The following ODF2L variants were observed in gnomAD, a reference collection of about 807,000 sequenced individuals.
The protein encoded by ODF2L is protein BCAP.
ODF2L carries 76 observed loss-of-function variants against 86.3 expected under a neutral mutation model. The ratio of observed to expected loss-of-function variants is 0.88; its 90% CI spans 0.73 to 1.07. ODF2L has a LOEUF of 1.07. ODF2L is among the 50% of genes least tolerant of loss of function. The probability of loss-of-function intolerance (pLI) is 0.00; values close to 1 mark genes in which losing one functional copy is unlikely to be tolerated. For synonymous variants in ODF2L, 241 were observed against 231.3 expected, an observed-to-expected ratio of 1.04 and a Z score of -0.38; for missense variants, 748 against 717.4, an observed-to-expected ratio of 1.04 and a Z score of -0.49.
At chr1:86,383,093 G>T in intron 5 of ODF2L, 41 bp downstream of exon 5, 1 of 1,368,034 alleles carries the variant, frequency 7.3e-7, no homozygotes, top group South Asian at 1.2e-5. Context: ...AAATAACAAT[G>T]ACAGGAAGAA....
rs757337049 is a variant in ODF2L, at chr1:86,385,555, A to G, written c.149T>C (p.Leu50Ser). Residue 50 changes from leucine to serine, a missense_variant, in exon 3 of 18, where the codon TTG becomes TCG. Transcript: ENST00000317336. ...CTCCGCTTCCTTAAGTGTTGCTTCCAATTCAGTCTTTTCATTTAGAATGTC... is the reference window on the plus strand; with the variant it reads ...CTCCGCTTCCTTAAGTGTTGCTTCCGATTCAGTCTTTTCATTTAGAATGTC... 2.5e-6 allele frequency: 4 copies of G among 1,611,514 alleles called. No individual in the cohort carries two copies. The African/African-American group carries it at 5.3e-5, about 22-fold the overall frequency.
At chr1:86,377,381 A>G (rs1366984456) in intron 7 of ODF2L, among the ~76,000 whole-genome samples, 1 of 152,170 alleles carries the variant, frequency 6.6e-6, no homozygotes, top group Non-Finnish European at 1.5e-5. Context: ...CACATGGTGC[A>G]AGCTGTCAAT....
At chr1:86,390,437 A>T (rs1661242280) in intron 1 of ODF2L, among the ~76,000 whole-genome samples, 2 of 152,144 alleles carry the variant, frequency 1.3e-5, no homozygotes, top group Admixed American at 1.3e-4. Context: ...AAAAATTCTT[A>T]ACAAAATACT....
downstream of ODF2L, chr1:86,347,008 A>G (rs1171122203): frequency 6.6e-6 from 1 of 152,146 alleles, no homozygotes; most frequent in African/African-American, 2.4e-5. Context: ...AAATGAGTTA[A>G]TATATTATCA....
chr1:86,348,905 A>T, downstream of ODF2L: 1 of 1,542,980 alleles, frequency 6.5e-7, no homozygotes, highest in Non-Finnish European at 8.7e-7. Flanking sequence ...AAAAATACAG[A>T]TAAGCAATAA....
At chr1:86,376,738 A>G (rs941789721) in intron 7 of ODF2L, among the ~76,000 whole-genome samples, 5 of 152,158 alleles carry the variant, frequency 3.3e-5, no homozygotes, top group Non-Finnish European at 5.9e-5. Flanking sequence ...AGGTCTCACG[A>G]GAACTCACTC....
chr1:86,370,341 T>A (rs1463718308), intron 10 of ODF2L, among the ~76,000 whole-genome samples: 1 of 152,018 alleles, frequency 6.6e-6, no homozygotes, highest in East Asian at 2.0e-4. Context: ...AACAAAACAA[T>A]GTTAGATGCT....
downstream of ODF2L, chr1:86,349,900 G>T (rs115313988): frequency 6.8e-4 from 105 of 153,884 alleles, no homozygotes; most frequent in Non-Finnish European, 1.3e-3. Flanking sequence ...CAGGGATACA[G>T]ACGACTATGA....
intron 1 of ODF2L, among the ~76,000 whole-genome samples, chr1:86,394,546 C>T (rs1420338044): frequency 6.6e-6 from 1 of 151,994 alleles, no homozygotes; most frequent in Non-Finnish European, 1.5e-5. Flanking sequence ...AAGATGAAAA[C>T]TGTTCTGGAC....
chr1:86,375,177 GA>G (rs1660082855), intron 8 of ODF2L, among the ~76,000 whole-genome samples: 1 of 152,068 alleles, frequency 6.6e-6, no homozygotes, highest in Non-Finnish European at 1.5e-5. Context: ...ATTAAAAAAA[GA>G]AAGAGCTATT....
intron 17 of ODF2L, chr1:86,352,317 CTGTT>C: frequency 7.8e-7 from 1 of 1,275,754 alleles, no homozygotes; most frequent in Non-Finnish European, 1.0e-6. Flanking sequence ...TGCCAATTGA[CTGTT>C]TCATGAGTAT....
chr1:86,364,181 TTCTC>T (rs1339085378), intron 11 of ODF2L, among the ~76,000 whole-genome samples: 4 of 152,178 alleles, frequency 2.6e-5, no homozygotes, highest in African/African-American at 7.2e-5. Context: ...TTCTAATCCT[TTCTC>T]TCTGAAGGAT....
chr1:86,347,104 CT>C (rs1406437461), downstream of ODF2L: 3 of 152,254 alleles, frequency 2.0e-5, no homozygotes, highest in Non-Finnish European at 4.4e-5. Context: ...GAAAACGGCT[CT>C]GTACACAGAA....
exon 8 of ODF2L, chr1:86,376,401 T>C (rs757521341): frequency 2.5e-6 from 4 of 1,592,400 alleles, no homozygotes; most frequent in Non-Finnish European, 2.6e-6. Context: ...TCCACTTGGC[T>C]ATCTTGGTTT....
At chr1:86,375,840 T>C (rs1404679897) in intron 8 of ODF2L, among the ~76,000 whole-genome samples, 1 of 152,200 alleles carries the variant, frequency 6.6e-6, no homozygotes, top group Non-Finnish European at 1.5e-5. Context: ...AAACTCTTAG[T>C]TCAATACCCT....
exon 18 of ODF2L, chr1:86,352,029 A>G: frequency 7.7e-7 from 1 of 1,303,276 alleles, no homozygotes; most frequent in Non-Finnish European, 9.8e-7. Context: ...AATAAATGGA[A>G]GGCCTGTGCT....
At chr1:86,364,207 A>T (rs564658252) in intron 11 of ODF2L, among the ~76,000 whole-genome samples, 1 of 152,328 alleles carries the variant, frequency 6.6e-6, no homozygotes, top group Non-Finnish European at 1.5e-5. Flanking sequence ...TCAAGAAAAT[A>T]AGAAAATAAA....
intron 16 of ODF2L, 120 bp downstream of exon 15, chr1:86,354,410 G>A: frequency 1.6e-6 from 1 of 625,948 alleles, no homozygotes; most frequent in Non-Finnish European, 2.8e-6. Context: ...GAAGAAAAAT[G>A]TAATTGCTCC....
At chr1:86,368,595 T>A (rs951721330) in intron 11 of ODF2L, 3 of 1,295,820 alleles carry the variant, frequency 2.3e-6, no homozygotes, top group Non-Finnish European at 2.0e-6. Context: ...CCTGTGCTGA[T>A]GAGGTATAGA....
Sources: gnomAD v4.1 joint callset for allele counts (sites outside exome capture counted in the v4.1 genomes callset) on GRCh38, gnomAD v4.1.1 for gene constraint, MANE v1.5 for transcripts, NCBI Gene and HGNC (gene_info 2026-07-23, HGNC 2026-07-21) for gene names.